NTRK2: variants seen among roughly 807,000 people sequenced by gnomAD.
The protein encoded by NTRK2 is neurotrophic receptor tyrosine kinase 2.
Under a neutral mutation model 94.5 loss-of-function variants are expected in NTRK2, and 13 were observed. The observed-to-expected ratio is 0.14, with a 90% CI of 0.09 to 0.22. NTRK2 has a LOEUF of 0.22. Among genes scored for constraint, NTRK2 ranks in the 10% least tolerant of loss-of-function variants. The pLI, the probability that NTRK2 is intolerant of heterozygous loss-of-function variation, is 1.00. For missense variants in NTRK2, 639 were observed against 1,071.2 expected (o/e 0.60, Z 5.63); for synonymous variants, 372 against 407.4 (o/e 0.91, Z 1.05).
At chr9:84,913,718 G>T (rs2077311692) in intron 14 of NTRK2, among the ~76,000 whole-genome samples, 1 of 151,710 alleles carries the variant, frequency 6.6e-6, no homozygotes. Flanking sequence ...TTTTTTCTTT[G>T]TCTTTAGTTT....
intron 12 of NTRK2, among the ~76,000 whole-genome samples, chr9:84,816,507 G>A (rs752556737): frequency 1.3e-5 from 2 of 152,174 alleles, no homozygotes; most frequent in Non-Finnish European, 2.9e-5. Context: ...TGGGCTGGGC[G>A]TGGCGGCTCA....
At chr9:84,953,178 G>A (rs942978745) in intron 16 of NTRK2, among the ~76,000 whole-genome samples, 3 of 152,200 alleles carry the variant, frequency 2.0e-5, no homozygotes, top group African/African-American at 7.2e-5. Flanking sequence ...TAGTGAAGTG[G>A]AAAGGGCCCA....
At chr9:84,869,255 C>T (rs1001423148) in intron 14 of NTRK2, among the ~76,000 whole-genome samples, 16 of 152,096 alleles carry the variant, frequency 1.1e-4, no homozygotes, top group African/African-American at 3.6e-4. Context: ...TCATTCTGTG[C>T]CTCCTGTCAG....
At chr9:84,802,445 G>C (rs2070603925) in intron 12 of NTRK2, among the ~76,000 whole-genome samples, 1 of 152,194 alleles carries the variant, frequency 6.6e-6, no homozygotes, top group Non-Finnish European at 1.5e-5. Flanking sequence ...TTCAGAAAGA[G>C]GTGTTGCTGT....
At chr9:84,954,831 G>A (rs1168283348) in intron 16 of NTRK2, among the ~76,000 whole-genome samples, 1 of 152,164 alleles carries the variant, frequency 6.6e-6, no homozygotes, top group Non-Finnish European at 1.5e-5. Context: ...GGGAAGGGGT[G>A]GGGACCCACT....
intron 17 of NTRK2, among the ~76,000 whole-genome samples, chr9:84,978,899 A>G (rs1223532655): frequency 1.3e-5 from 2 of 152,232 alleles, no homozygotes; most frequent in Non-Finnish European, 2.9e-5. Flanking sequence ...AAATGGAACA[A>G]CAAAGCCTGG....
chr9:84,932,747 A>G (rs1329892368), intron 14 of NTRK2, among the ~76,000 whole-genome samples: 2 of 152,222 alleles, frequency 1.3e-5, no homozygotes, highest in African/African-American at 2.4e-5. Flanking sequence ...ATGTGAGTTC[A>G]CAGGAAGAGG....
chr9:84,775,356 T>C (rs1273731276), intron 12 of NTRK2, among the ~76,000 whole-genome samples: 1 of 152,222 alleles, frequency 6.6e-6, no homozygotes, highest in South Asian at 2.1e-4. Flanking sequence ...GCACATTTAT[T>C]TTTTTTCAGA....
intron 17 of NTRK2, among the ~76,000 whole-genome samples, chr9:84,986,216 A>T (rs1369262494): frequency 6.6e-6 from 1 of 152,050 alleles, no homozygotes; most frequent in African/African-American, 2.4e-5. Context: ...CCCCTGCTCC[A>T]TATTCAGACT....
At chr9:84,876,089 T>G (rs2076055387) in intron 14 of NTRK2, 1 of 1,033,500 alleles carries the variant, frequency 9.7e-7, no homozygotes, top group Non-Finnish European at 1.2e-6. Flanking sequence ...TTACTATTAA[T>G]TAACACATTT....
intron 12 of NTRK2, among the ~76,000 whole-genome samples, chr9:84,833,612 A>AAG (rs139696362): frequency 6.7e-6 from 1 of 150,014 alleles, no homozygotes; most frequent in Admixed American, 6.6e-5. Flanking sequence ...AAAGAAAAGA[A>AAG]AGAGAGAGAG....
chr9:84,707,909 A>T lies in NTRK2; in HGVS notation c.425A>T (p.Glu142Val). 6.2e-7 allele frequency: 1 copy of T among 1,611,824 alleles called. No individual in the cohort carries two copies. The highest frequency in any genetic ancestry group is 8.5e-7 in the Non-Finnish European group (1 of 1,178,272). ...RKHFRHLDLS[E>V]LILVGNPFTC... ...CATTTCCGTCACCTTGACTTGTCTGAACTGTAAGTAATGATTTTGTGTGGC... is the reference window on the plus strand; with the variant it reads ...CATTTCCGTCACCTTGACTTGTCTGTACTGTAAGTAATGATTTTGTGTGGC... Residue 142 changes from glutamate to valine, a missense_variant, in exon 5 of 19, where the codon GAA becomes GTA. This residue lies in a region of NTRK2 where 206 missense variants were observed against 251.5 expected (regional missense o/e 0.82). Transcript: ENST00000277120.
At chr9:84,924,209 C>T (rs1018708371) in intron 14 of NTRK2, among the ~76,000 whole-genome samples, 3 of 138,740 alleles carry the variant, frequency 2.2e-5, no homozygotes, top group African/African-American at 5.4e-5. Context: ...AGAGTGAGAC[C>T]CTGTCTCAAA....
intron 17 of NTRK2, among the ~76,000 whole-genome samples, chr9:84,960,833 A>T (rs552722840): frequency 1.5e-3 from 222 of 152,344 alleles, no homozygotes; most frequent in Non-Finnish European, 2.4e-3. Flanking sequence ...GATAAGTCTT[A>T]CACATCTTTG....
At chr9:84,896,934 T>G (rs1475349183) in intron 14 of NTRK2, among the ~76,000 whole-genome samples, 1 of 152,010 alleles carries the variant, frequency 6.6e-6, no homozygotes, top group Non-Finnish European at 1.5e-5. Flanking sequence ...TTTGGGGAGG[T>G]AGACCACCTT....
intron 2 of NTRK2, among the ~76,000 whole-genome samples, chr9:84,684,565 A>C (rs2131444879): frequency 6.6e-6 from 1 of 152,266 alleles, no homozygotes; most frequent in East Asian, 1.9e-4. Flanking sequence ...AATATTGCCA[A>C]GTTGTTTTGC....
chr9:84,947,776 C>G (rs1157374712), intron 15 of NTRK2, among the ~76,000 whole-genome samples: 14 of 152,226 alleles, frequency 9.2e-5, no homozygotes, highest in Non-Finnish European at 1.5e-5. Context: ...ATGCCAAGAG[C>G]TCAGCACATT....
chr9:84,931,731 C>CA (rs1006267474), intron 14 of NTRK2, among the ~76,000 whole-genome samples: 9 of 128,806 alleles, frequency 7.0e-5, no homozygotes, highest in African/African-American at 8.9e-5. Context: ...AAAAAAAAAA[C>CA]AAAAAAAACC....
chr9:84,825,111 C>T (rs2073102176), intron 12 of NTRK2, among the ~76,000 whole-genome samples: 1 of 151,974 alleles, frequency 6.6e-6, no homozygotes, highest in South Asian at 2.1e-4. Context: ...GACAGCTTTC[C>T]TCTCCCTGGG....
Sources: gnomAD v4.1 joint callset for allele counts (sites outside exome capture counted in the v4.1 genomes callset) on GRCh38, gnomAD v4.1.1 for gene constraint, gnomAD v4.1.1 regional missense constraint, MANE v1.5 for transcripts, NCBI Gene and HGNC (gene_info 2026-07-23, HGNC 2026-07-21) for gene names.